The following DACH1 variants were observed in gnomAD, a reference collection of about 807,000 sequenced individuals.
DACH1 encodes the protein dachshund family transcription factor 1.
DACH1 carries 12 observed loss-of-function variants against 54.2 expected under a neutral mutation model. That is an observed-to-expected ratio of 0.22 (90% CI 0.14 to 0.36). The LOEUF (loss-of-function observed/expected upper bound fraction) is 0.36. Ranked by LOEUF, DACH1 falls within the 10% of genes least tolerant of loss-of-function variation. DACH1 has a pLI of 1.00. For missense variants in DACH1, 805 were observed against 929.8 expected (o/e 0.87, Z 1.75); for synonymous variants, 386 against 366.2 (o/e 1.05, Z -0.62).
intron 1 of DACH1, among the ~76,000 whole-genome samples, chr13:71,841,848 C>A (rs1283165187): frequency 1.3e-5 from 2 of 152,166 alleles, no homozygotes; most frequent in Non-Finnish European, 2.9e-5. Flanking sequence ...ATGAAAATGA[C>A]AAAAGGCATT....
intron 6 of DACH1, among the ~76,000 whole-genome samples, chr13:71,550,118 T>A (rs956173253): frequency 2.6e-5 from 4 of 152,180 alleles, no homozygotes; most frequent in African/African-American, 9.6e-5. Context: ...ATAACTGTGG[T>A]ATTATGAATT....
chr13:71,540,407 G>T (rs1043092340), intron 6 of DACH1, among the ~76,000 whole-genome samples: 1 of 152,096 alleles, frequency 6.6e-6, no homozygotes, highest in Admixed American at 6.6e-5. Flanking sequence ...CAAGTTGGCA[G>T]AAAAATAGAT....
chr13:71,860,202 G>C (rs745553488), intron 1 of DACH1, among the ~76,000 whole-genome samples: 3 of 150,424 alleles, frequency 2.0e-5, no homozygotes, highest in Non-Finnish European at 3.0e-5. Flanking sequence ...ATAATATGTA[G>C]TATTTAGACA....
intron 1 of DACH1, among the ~76,000 whole-genome samples, chr13:71,819,873 A>C (rs142333340): frequency 2.2e-4 from 33 of 152,190 alleles, no homozygotes; most frequent in African/African-American, 7.5e-4. Context: ...TCAAACAAAA[A>C]TATAACACAA....
intron 7 of DACH1, among the ~76,000 whole-genome samples, chr13:71,485,034 C>T (rs553484047): frequency 6.0e-5 from 9 of 149,406 alleles, no homozygotes; most frequent in Admixed American, 1.3e-4. Context: ...GCAGCCTGGG[C>T]GACAGAGGGA....
intron 4 of DACH1, among the ~76,000 whole-genome samples, chr13:71,571,694 A>C (rs1433850347): frequency 2.7e-5 from 4 of 146,534 alleles, no homozygotes; most frequent in Non-Finnish European, 6.0e-5. Context: ...TCCTATTTGT[A>C]TGTTACTCCA....
chr13:71,640,909 C>T (rs948127021), intron 2 of DACH1, among the ~76,000 whole-genome samples: 1 of 152,080 alleles, frequency 6.6e-6, no homozygotes, highest in African/African-American at 2.4e-5. Flanking sequence ...TAAGTATAAT[C>T]TCCTCAAATG....
rs1888310203 is a variant in DACH1, at chr13:71,824,548, TA to T, written c.848+41373del. 2.1e-5 allele frequency among the ~76,000 whole-genome samples: 3 copies of T among 143,888 alleles called. 1 individual carries two copies. The Admixed American group carries it at 2.1e-4, about 10-fold the overall frequency. The allele number at this position is 143,888 out of a possible 152,430, so 94.4% of individuals were successfully genotyped here. A position where few individuals can be genotyped will look rare whatever the true frequency, so the allele number is the denominator to read the frequency against. On this transcript the variant is annotated intron_variant, in intron 1 of 10. Coordinates refer to ENST00000613252, the MANE Select transcript of DACH1 (RefSeq NM_080759.6). The stretch of plus-strand genomic sequence containing the variant: ...GAGTATGTTCAGAATGAATGAAAAA[TA>T]AATGAATGAATGAGTGAGAGAGGGA...
intron 1 of DACH1, among the ~76,000 whole-genome samples, chr13:71,708,552 TC>T: frequency 6.6e-6 from 1 of 152,218 alleles, no homozygotes; most frequent in East Asian, 1.9e-4. Context: ...TGCTACCCTT[TC>T]TTGTATCCAA....
intron 6 of DACH1, among the ~76,000 whole-genome samples, chr13:71,532,886 C>T (rs1003080366): frequency 6.6e-6 from 1 of 151,704 alleles, no homozygotes; most frequent in Non-Finnish European, 1.5e-5. Context: ...AATAAATATA[C>T]AAGGCTAGGC....
chr13:71,779,283 GTA>G (rs10572282), intron 1 of DACH1, among the ~76,000 whole-genome samples: 2 of 118,680 alleles, frequency 1.7e-5, no homozygotes, highest in South Asian at 2.5e-4. Flanking sequence ...ACGTATATAC[GTA>G]TATATACACA....
intron 3 of DACH1, 80 bp from the exon 4 acceptor site, chr13:71,573,092 T>C (rs751787985): frequency 2.2e-5 from 30 of 1,377,368 alleles, no homozygotes; most frequent in Non-Finnish European, 2.4e-5. Context: ...AGTTTTCTAA[T>C]AATGGTAGTC....
At chr13:71,630,763 T>C (rs1442951449) in intron 2 of DACH1, 46 bp from the exon 3 acceptor site, 3 of 1,510,138 alleles carry the variant, frequency 2.0e-6, no homozygotes, top group Middle Eastern at 3.9e-4. Context: ...TTCTGATTTT[T>C]CATTTAATAG....
intron 4 of DACH1, among the ~76,000 whole-genome samples, chr13:71,564,239 T>C (rs1884765725): frequency 6.6e-6 from 1 of 152,056 alleles, no homozygotes; most frequent in South Asian, 2.1e-4. Context: ...TCAATGTCTA[T>C]AAGAAAACTA....
chr13:71,466,424 G>A (rs868736433), intron 10 of DACH1, among the ~76,000 whole-genome samples: 8 of 151,970 alleles, frequency 5.3e-5, no homozygotes, highest in East Asian at 1.9e-4. Flanking sequence ...TTAGTTGCAC[G>A]ATGTCTACTT....
At chr13:71,817,114 GAATA>G (rs1367445570) in intron 1 of DACH1, among the ~76,000 whole-genome samples, 2 of 152,056 alleles carry the variant, frequency 1.3e-5, no homozygotes, top group African/African-American at 2.4e-5. Context: ...AATTATGAAT[GAATA>G]AAGTAAAACA....
intron 3 of DACH1, among the ~76,000 whole-genome samples, chr13:71,577,534 T>C (rs994906765): frequency 2.0e-5 from 3 of 152,186 alleles, no homozygotes; most frequent in African/African-American, 7.2e-5. Context: ...AAGACAGCAA[T>C]GCTGATTCAG....
At chr13:71,851,463 G>A (rs1873660347) in intron 1 of DACH1, among the ~76,000 whole-genome samples, 1 of 151,792 alleles carries the variant, frequency 6.6e-6, no homozygotes, top group Non-Finnish European at 1.5e-5. Context: ...TATTATTAAT[G>A]GCTTAAAAGA....
intron 3 of DACH1, among the ~76,000 whole-genome samples, chr13:71,612,881 G>A (rs1338287479): frequency 1.3e-5 from 2 of 152,136 alleles, no homozygotes; most frequent in Non-Finnish European, 1.5e-5. Flanking sequence ...AAGCATTCCT[G>A]CTTAGTGAGT....
Sources: gnomAD v4.1 joint callset for allele counts (sites outside exome capture counted in the v4.1 genomes callset) on GRCh38, gnomAD v4.1.1 for gene constraint, MANE v1.5 for transcripts, NCBI Gene and HGNC (gene_info 2026-07-23, HGNC 2026-07-21) for gene names.